SACS: variants seen among roughly 807,000 people sequenced by gnomAD.
The protein encoded by SACS is sacsin molecular chaperone, also known as sacsin.
In SACS, 197 loss-of-function variants were observed where a neutral mutation model predicts 348.0. That is an observed-to-expected ratio of 0.57 (90% CI 0.50 to 0.64). The LOEUF (loss-of-function observed/expected upper bound fraction) is 0.64. Ranked by LOEUF, SACS falls within the 30% of genes least tolerant of loss-of-function variation. SACS has a pLI of 0.00. For missense variants in SACS, 4,999 were observed against 5,360.8 expected (o/e 0.93, Z 2.11); for synonymous variants, 1,985 against 1,910.6 (o/e 1.04, Z -1.02).
At chr13:23,394,937 C>T (rs1872654382) in intron 2 of SACS, among the ~76,000 whole-genome samples, 1 of 152,244 alleles carries the variant, frequency 6.6e-6, no homozygotes, top group African/African-American at 2.4e-5. Context: ...CCCAGACACA[C>T]ACCTTTGAAG....
intron 2 of SACS, among the ~76,000 whole-genome samples, chr13:23,380,215 C>G (rs1390210611): frequency 1.3e-5 from 2 of 151,866 alleles, no homozygotes; most frequent in African/African-American, 2.4e-5. Context: ...CTTCCCCCAC[C>G]TCTTTAGAAA....
intron 9 of SACS, 178 bp downstream of exon 9, chr13:23,353,607 T>C: frequency 8.7e-6 from 5 of 575,484 alleles, no homozygotes; most frequent in Non-Finnish European, 1.6e-5. Flanking sequence ...TGGATTCTTT[T>C]AGACAGCATC....
chr13:23,340,138 ATAG>A lies in SACS; in HGVS notation c.3735_3737del (p.Tyr1246del). ...TCTCAAGCAAAATATGCTGGAATTG[ATAG>A]TAGTCTTCATCACTAAAGGTTTTTG... On this transcript the variant is annotated inframe_deletion, in exon 10 of 10. Coordinates refer to ENST00000382292, the MANE Select transcript of SACS (RefSeq NM_014363.6). 1 of 1,613,728 alleles carries A rather than the reference ATAG, an allele frequency of 6.2e-7. No homozygotes were observed. The highest frequency in any genetic ancestry group is 8.5e-7 in the Non-Finnish European group (1 of 1,179,788).
At chr13:23,387,620 G>A (rs936614129) in intron 2 of SACS, among the ~76,000 whole-genome samples, 1 of 152,080 alleles carries the variant, frequency 6.6e-6, no homozygotes, top group Non-Finnish European at 1.5e-5. Context: ...CCTCATAGAC[G>A]GCTGGTTTTT....
intron 9 of SACS, among the ~76,000 whole-genome samples, chr13:23,344,781 C>A (rs2137662039): frequency 6.6e-6 from 1 of 152,268 alleles, no homozygotes; most frequent in East Asian, 1.9e-4. Context: ...TAAACAATTA[C>A]CAAATTTAAC....
intron 2 of SACS, among the ~76,000 whole-genome samples, chr13:23,395,528 C>T (rs576268053): frequency 1.1e-4 from 16 of 152,252 alleles, no homozygotes; most frequent in Admixed American, 1.0e-3. Context: ...CCCTACTTCT[C>T]CACCATCCAC....
At chr13:23,362,476 G>C (rs1481491102) in intron 6 of SACS, among the ~76,000 whole-genome samples, 1 of 151,802 alleles carries the variant, frequency 6.6e-6, no homozygotes, top group Non-Finnish European at 1.5e-5. Flanking sequence ...CTGAATGCAA[G>C]AGAAAGATAT....
Position 23,336,958 on chromosome 13 carries a change from A to G in SACS, c.6918T>C (p.Asp2306=). 1 of 1,614,010 alleles carries G rather than the reference A, an allele frequency of 6.2e-7. No homozygotes were observed. Among genetic ancestry groups the G allele is most frequent in the Admixed American group, 1.7e-5 (1 of 60,016 alleles). ...TATTCTCCTGGTACAGTGTAATTCC[A>G]TCATCAACTGATTTTGCTACTTCTT... ...QLKEVAKSVD[D]GITLYQENIT... is the part of the protein sequence containing the mutation. The change falls in exon 10 of 10, where the codon GAT becomes GAC. Residue 2306 remains aspartate (D), a synonymous_variant. Coordinates refer to ENST00000382292, the MANE Select transcript of SACS (RefSeq NM_014363.6).
In SACS at chr13:23,331,786, A is replaced by T; in HGVS notation, c.12090T>A (p.Asn4030Lys). The change falls in exon 10 of 10, where the codon AAT (asparagine) becomes AAA (lysine). Residue 4030 changes from asparagine (N) to lysine (K), a missense_variant. Physicochemically the swap from Asn to Lys is moderately conservative, Grantham distance 94 (BLOSUM62 0). Coordinates refer to ENST00000382292, the MANE Select transcript of SACS (RefSeq NM_014363.6). ...TGCAAAGTCTTATGGCTTTTTCTTCATTGGCCAGAAAAGCATTATCATTTT... is the reference window on the plus strand; with the variant it reads ...TGCAAAGTCTTATGGCTTTTTCTTCTTTGGCCAGAAAAGCATTATCATTTT... The part of the protein sequence containing the change: ...KHENDNAFLA[N>K]EEKAIRLCKA... 1 of 1,613,900 alleles carries T rather than the reference A, an allele frequency of 6.2e-7. No individual in the cohort carries two copies. The highest frequency in any genetic ancestry group is 8.5e-7 in the Non-Finnish European group (1 of 1,179,912).
At chr13:23,401,221 G>A (rs1872961543) in intron 2 of SACS, among the ~76,000 whole-genome samples, 1 of 152,128 alleles carries the variant, frequency 6.6e-6, no homozygotes, top group African/African-American at 2.4e-5. Flanking sequence ...ACTCAAGCTG[G>A]GAACTGCTTA....
chr13:23,341,129 T>C lies in SACS; in HGVS notation c.2747A>G (p.Lys916Arg). 6.2e-7 allele frequency: 1 copy of C among 1,613,408 alleles called. No homozygotes were observed. The highest frequency in any genetic ancestry group is 8.5e-7 in the Non-Finnish European group (1 of 1,179,944). ...CAATTCTTGAATAATTCTTTTCTCT[T>C]TCTCACTGCTATCGGTTAAACTAGC... ...FLASLTDSSE[K>R]EKRIIQELAI... is the part of the protein sequence containing the mutation. The change falls in exon 10 of 10, where the codon AAA becomes AGA. Residue 916 changes from lysine (K) to arginine (R), a missense_variant. This residue lies in a region of SACS where 3,156 missense variants were observed against 3,380.1 expected (regional missense o/e 0.93). Transcript: ENST00000382292.
In SACS at chr13:23,355,059, A is replaced by G. The variant is rs1870260272; in HGVS notation, c.1553T>C (p.Met518Thr). The G allele has an allele frequency of 1.2e-6, 2 of 1,614,208 alleles. No individual in the cohort carries two copies. The highest frequency in any genetic ancestry group is 1.7e-6 in the Non-Finnish European group (2 of 1,180,042). The change falls in exon 8 of 10, where the codon ATG (methionine) becomes ACG (threonine). Residue 518 changes from methionine to threonine, a missense_variant. Physicochemically the swap from Met to Thr is moderately conservative, Grantham distance 81. This residue lies in a region of SACS where 3,156 missense variants were observed against 3,380.1 expected (regional missense o/e 0.93). Transcript: ENST00000382292. ...LILDSIKRLE[M>T]EKSSDFPLSV... ...CAAGGGGAAATCAGAGCTCTTTTCC[A>G]TCTCCAGACGTTTTATTGAATCTAA...
At position 23,346,751 on chromosome 13, in the gene SACS, G is replaced by A. The variant is rs192440289; in HGVS notation, c.2186-5061C>T. ...TTAGGTAAATGCAAAAACAGAATTC[G>A]AAGAGCCAAATGAACAAAAACATCA... On this transcript the variant is annotated intron_variant, in intron 9 of 9. Coordinates refer to ENST00000382292, the MANE Select transcript of SACS (RefSeq NM_014363.6). 5.2e-4 allele frequency: 449 copies of A among 861,930 alleles called. 1 individual carries two copies. In the African/African-American group the frequency reaches 7.6e-3, roughly 15 times the overall value. The allele number at this position is 861,930 out of a possible 1,614,324, so 53.4% of individuals were successfully genotyped here. A position where few individuals can be genotyped will look rare whatever the true frequency, so the allele number is the denominator to read the frequency against.
intron 2 of SACS, 60 bp from the exon 3 acceptor site, chr13:23,375,329 C>T (rs1236698866): frequency 3.0e-6 from 4 of 1,352,262 alleles, no homozygotes; most frequent in South Asian, 3.9e-5. Flanking sequence ...GCCCAGCGCC[C>T]GCGCGGCCTC....
intron 1 of SACS, among the ~76,000 whole-genome samples, chr13:23,425,039 T>C (rs193155408): frequency 7.2e-5 from 11 of 152,312 alleles, no homozygotes; most frequent in Non-Finnish European, 1.3e-4. Context: ...GGCGTGAGCC[T>C]GGTGCTTGGT....
chr13:23,427,590 T>C (rs1011727311), intron 1 of SACS: 2 of 152,280 alleles, frequency 1.3e-5, no homozygotes, highest in Non-Finnish European at 2.9e-5. Flanking sequence ...TTACACAGTT[T>C]CAAACAGGAA....
chr13:23,404,470 T>G (rs1206877229), intron 2 of SACS, among the ~76,000 whole-genome samples: 1 of 152,204 alleles, frequency 6.6e-6, no homozygotes, highest in Non-Finnish European at 1.5e-5. Context: ...AATATCATAC[T>G]GAATGGGCAA....
At position 23,334,218 on chromosome 13, in the gene SACS, A is replaced by C. The variant is rs1255514198; in HGVS notation, c.9658T>G (p.Ser3220Ala). Residue 3220 changes from serine to alanine, a missense_variant, in exon 10 of 10, where the codon TCT becomes GCT. Physicochemically the swap from Ser to Ala is moderately conservative, Grantham distance 99. This residue lies in a region of SACS where 734 missense variants were observed against 694.0 expected (regional missense o/e 1.06). Transcript: ENST00000382292. ...GTCTTATATTCTCGAGGCAACACAGAGGATAACAAATCAGCAAAGCTGGAA... is the reference window on the plus strand; with the variant it reads ...GTCTTATATTCTCGAGGCAACACAGCGGATAACAAATCAGCAAAGCTGGAA... ...DISSFADLLS[S>A]VLPREYKTKS... The C allele has an allele frequency of 6.2e-7, 1 of 1,613,702 alleles. No individual in the cohort carries two copies. The highest frequency in any genetic ancestry group is 1.7e-5 in the Admixed American group (1 of 59,914).
At chr13:23,414,154 G>A (rs182093053) in intron 1 of SACS, among the ~76,000 whole-genome samples, 1,538 of 152,006 alleles carry the variant, frequency 0.01, 21 homozygotes, top group African/African-American at 0.035. Flanking sequence ...AATACAAAAA[G>A]TTAGCCGGGC....
Sources: allele counts gnomAD v4.1 joint callset (sites outside exome capture counted in the v4.1 genomes callset), GRCh38; gene constraint gnomAD v4.1.1; regional missense constraint gnomAD v4.1.1; transcripts MANE v1.5; gene names NCBI Gene and HGNC (gene_info 2026-07-23, HGNC 2026-07-21).